Variants in FAM114A1 observed in about 807,000 individuals in gnomAD.
FAM114A1 encodes family with sequence similarity 114 member A1, also known as protein NOXP20.
Under a neutral mutation model 64.3 loss-of-function variants are expected in FAM114A1, and 62 were observed. The observed-to-expected ratio is 0.96, with a 90% CI of 0.79 to 1.19. FAM114A1 has a LOEUF of 1.19. Ranked by LOEUF, FAM114A1 falls within the 50% of genes most tolerant of loss-of-function variation. The pLI is 0.00. For missense variants in FAM114A1, 645 were observed against 676.3 expected (o/e 0.95, Z 0.51); for synonymous variants, 254 against 251.1 (o/e 1.01, Z -0.11).
chr4:38,887,179 T>G (rs1715901935), intron 3 of FAM114A1, among the ~76,000 whole-genome samples: 1 of 152,182 alleles, frequency 6.6e-6, no homozygotes, highest in Non-Finnish European at 1.5e-5. Context: ...ATTTTGTGCA[T>G]AAAAAGAACT....
chr4:38,887,876 T>C (rs1715968083), intron 3 of FAM114A1, among the ~76,000 whole-genome samples: 1 of 152,216 alleles, frequency 6.6e-6, no homozygotes, highest in Admixed American at 6.5e-5. Context: ...ACCCCCTTTT[T>C]AGCGTAGCTA....
intron 3 of FAM114A1, among the ~76,000 whole-genome samples, chr4:38,878,789 C>G (rs1714928841): frequency 6.6e-6 from 1 of 152,186 alleles, no homozygotes; most frequent in African/African-American, 2.4e-5. Flanking sequence ...GTAGCTTGTC[C>G]TGGGCTACTT....
rs1332106442 is a variant in FAM114A1, at chr4:38,910,096, G to A, written c.792+1370G>A. Among the ~76,000 whole-genome samples the A allele has an allele frequency of 5.9e-5, 9 of 152,130 alleles. No individual in the cohort carries two copies. In the South Asian group the frequency reaches 1.0e-3, roughly 18 times the overall value. ...AAAAATACAAAAAAAAAAATTAGCC[G>A]GATGTGGTGGCGAGCACCTGTAATC... On this transcript the variant is annotated intron_variant, in intron 7 of 14. Coordinates refer to ENST00000358869, the MANE Select transcript of FAM114A1 (RefSeq NM_138389.4).
chr4:38,938,436 AAAC>A (rs1329631670), intron 13 of FAM114A1: 3 of 152,332 alleles, frequency 2.0e-5, no homozygotes, highest in African/African-American at 7.2e-5. Flanking sequence ...CTATTTTGTA[AAAC>A]AACACCTTTT....
chr4:38,936,737 G>A (rs773771409), intron 13 of FAM114A1, among the ~76,000 whole-genome samples: 5 of 151,950 alleles, frequency 3.3e-5, no homozygotes, highest in Non-Finnish European at 5.9e-5. Context: ...ATTTTTAGTA[G>A]AGACGGGGTT....
At chr4:38,914,601 G>T (rs1057211470) in intron 7 of FAM114A1, 3 of 201,260 alleles carry the variant, frequency 1.5e-5, no homozygotes, top group African/African-American at 2.3e-5. Context: ...AAATAAGAAA[G>T]TTAATCACTC....
intron 2 of FAM114A1, among the ~76,000 whole-genome samples, chr4:38,876,429 C>G (rs1202473077): frequency 1.3e-5 from 2 of 152,128 alleles, no homozygotes; most frequent in African/African-American, 2.4e-5. Flanking sequence ...CCTCAGCCTA[C>G]CAAAGTGCTG....
At chr4:38,931,304 G>T (rs1287920001) in intron 10 of FAM114A1, 147 bp from the exon 11 acceptor site, 3 of 809,554 alleles carry the variant, frequency 3.7e-6, no homozygotes, top group African/African-American at 1.8e-5. Flanking sequence ...TCTTTTTCGG[G>T]GGTTGAAAAA....
chr4:38,887,191 C>T (rs1341302118), intron 3 of FAM114A1, among the ~76,000 whole-genome samples: 2 of 152,126 alleles, frequency 1.3e-5, no homozygotes, highest in African/African-American at 4.8e-5. Context: ...AAAAGAACTA[C>T]TCAAATGTTT....
intron 9 of FAM114A1, among the ~76,000 whole-genome samples, chr4:38,923,436 T>C (rs1450021229): frequency 6.6e-6 from 1 of 152,076 alleles, no homozygotes; most frequent in Non-Finnish European, 1.5e-5. Flanking sequence ...TTGGCCAGGA[T>C]GGTCTCGATC....
At chr4:38,883,689 G>T (rs1296125394) in intron 3 of FAM114A1, among the ~76,000 whole-genome samples, 1 of 152,202 alleles carries the variant, frequency 6.6e-6, no homozygotes, top group Admixed American at 6.5e-5. Flanking sequence ...AAGGAGTAGG[G>T]GACACAGGCT....
At chr4:38,900,009 C>A (rs1428133153) in intron 4 of FAM114A1, among the ~76,000 whole-genome samples, 2 of 152,030 alleles carry the variant, frequency 1.3e-5, no homozygotes, top group Admixed American at 1.3e-4. Context: ...AAGAGGCTGG[C>A]CCACCTTCTG....
chr4:38,884,049 C>T (rs576409054), intron 3 of FAM114A1, among the ~76,000 whole-genome samples: 1 of 152,350 alleles, frequency 6.6e-6, no homozygotes, highest in Admixed American at 6.5e-5. Flanking sequence ...CCAGGTGACA[C>T]TCTTACAGTC....
chr4:38,916,659 G>C (rs1253220606), intron 8 of FAM114A1, among the ~76,000 whole-genome samples: 1 of 152,122 alleles, frequency 6.6e-6, no homozygotes, highest in African/African-American at 2.4e-5. Context: ...AGGCCTGTCG[G>C]GGGTAGGGGG....
At chr4:38,902,481 T>C (rs1023145724) in intron 4 of FAM114A1, among the ~76,000 whole-genome samples, 1 of 152,136 alleles carries the variant, frequency 6.6e-6, no homozygotes, top group African/African-American at 2.4e-5. Context: ...GGAGCAGAAA[T>C]CCTCCACAAG....
At chr4:38,932,208 T>A in intron 11 of FAM114A1, 27 bp from the exon 12 acceptor site, 1 of 1,571,588 alleles carries the variant, frequency 6.4e-7, no homozygotes, top group Non-Finnish European at 8.6e-7. Context: ...CAGTAAAAAA[T>A]TTCTTGCTTG....
At chr4:38,942,943 C>A (rs564817204) in intron 14 of FAM114A1, among the ~76,000 whole-genome samples, 2 of 152,146 alleles carry the variant, frequency 1.3e-5, no homozygotes, top group South Asian at 4.2e-4. Context: ...GCCTGTAATC[C>A]CAGCACTTTG....
chr4:38,921,789 T>C (rs1719621156), intron 8 of FAM114A1, among the ~76,000 whole-genome samples: 1 of 152,186 alleles, frequency 6.6e-6, no homozygotes. Context: ...ACAGCCTCAC[T>C]CCTTTAGCCT....
intron 8 of FAM114A1, 86 bp downstream of exon 8, chr4:38,915,159 G>T (rs1718924728): frequency 4.6e-6 from 7 of 1,531,042 alleles, no homozygotes; most frequent in East Asian, 2.3e-5. Context: ...GCCATTAAAA[G>T]ATCTCATTTT....
Sources: allele counts gnomAD v4.1 joint callset (sites outside exome capture counted in the v4.1 genomes callset), GRCh38; gene constraint gnomAD v4.1.1; transcripts MANE v1.5; gene names NCBI Gene and HGNC (gene_info 2026-07-23, HGNC 2026-07-21).